The following TFAP2D variants were observed in gnomAD, a reference collection of about 807,000 sequenced individuals.
TFAP2D encodes transcription factor AP-2-delta.
A neutral mutation model predicts 43.6 loss-of-function variants in TFAP2D; 9 were observed. That is an observed-to-expected ratio of 0.21 (90% CI 0.12 to 0.36). The LOEUF is 0.36. TFAP2D is among the 10% of genes least tolerant of loss of function. TFAP2D has a pLI of 1.00. For synonymous variants in TFAP2D, 256 were observed against 224.9 expected (o/e 1.14, Z -1.24); for missense variants, 513 against 561.4 (o/e 0.91, Z 0.87).
intron 4 of TFAP2D, 45 bp from the exon 5 acceptor site, chr6:50,729,149 A>G: frequency 1.2e-6 from 2 of 1,608,028 alleles, no homozygotes; most frequent in South Asian, 2.2e-5. Flanking sequence ...AATTTTCATC[A>G]GAATGTGAAA....
chr6:50,715,191 G>A lies in TFAP2D; in HGVS notation c.115G>A (p.Ala39Thr). 6.8e-6 allele frequency: 11 copies of A among 1,613,700 alleles called. No homozygotes were observed. The highest frequency in any genetic ancestry group is 9.3e-6 in the Non-Finnish European group (11 of 1,179,976). The change falls in exon 2 of 8, where the codon GCC (alanine) becomes ACC (threonine). Residue 39 changes from alanine (A) to threonine (T), a missense_variant. By Grantham distance (58) the Ala-to-Thr change is moderately conservative. Transcript: ENST00000008391. ...CLESVANSTV[A>T]YSSSSPLTYS... Reference sequence around the variant, plus strand: ...GGAGTCAGTAGCCAATTCCACTGTCGCCTATTCCTCCTCCTCTCCTTTAAC... The same window carrying A: ...GGAGTCAGTAGCCAATTCCACTGTCACCTATTCCTCCTCCTCTCCTTTAAC...
chr6:50,770,774 T>C (rs1769515713), intron 7 of TFAP2D, among the ~76,000 whole-genome samples: 1 of 152,112 alleles, frequency 6.6e-6, no homozygotes, highest in Admixed American at 6.5e-5. Context: ...AGCTAAAATA[T>C]TATGAAGGGT....
intron 2 of TFAP2D, among the ~76,000 whole-genome samples, chr6:50,718,338 T>C (rs1480593898): frequency 6.6e-6 from 1 of 152,176 alleles, no homozygotes; most frequent in African/African-American, 2.4e-5. Flanking sequence ...CTTCACGGGC[T>C]GTTGGGTAGG....
rs748265736 is a variant in TFAP2D at position 50,772,873 on chromosome 6, A to G, written c.*9A>G. The G allele has an allele frequency of 3.1e-6, 5 of 1,605,092 alleles. No homozygotes were observed. The East Asian group carries it at 6.8e-5, about 22-fold the overall frequency. Reference sequence around the variant, plus strand: ...CAGAAAAGACAGACTAGCTACATCAAACAGAATCTATTTCCAGAGAGTCTT... The same window carrying G: ...CAGAAAAGACAGACTAGCTACATCAGACAGAATCTATTTCCAGAGAGTCTT... On this transcript the variant is annotated 3_prime_UTR_variant, in exon 8 of 8. Coordinates refer to ENST00000008391, the MANE Select transcript of TFAP2D (RefSeq NM_172238.4).
Position 50,713,889 on chromosome 6 carries a change from G to A in TFAP2D, c.-167G>A. The A allele has an allele frequency of 9.9e-7, 1 of 1,007,376 alleles. No homozygotes were observed. The highest frequency in any genetic ancestry group is 1.5e-6 in the Non-Finnish European group (1 of 679,398). The allele number at this position is 1,007,376 out of a possible 1,614,324, so 62.4% of individuals were successfully genotyped here. A position where few individuals can be genotyped will look rare whatever the true frequency, so the allele number is the denominator to read the frequency against. ...CTACAGGTTTTTAAGTGGGTACGAG[G>A]CAAGGAGCTATCTGATCCGGGCAAA... On this transcript the variant is annotated 5_prime_UTR_variant, in exon 1 of 8. Transcript: ENST00000008391.
At chr6:50,719,300 C>A in intron 3 of TFAP2D, 150 bp downstream of exon 3, 1 of 819,252 alleles carries the variant, frequency 1.2e-6, no homozygotes, top group Non-Finnish European at 1.9e-6. Context: ...ACTGGCATAT[C>A]CACATTAAAA....
In TFAP2D at chr6:50,729,318, A is replaced by T. The variant is rs925862102; in HGVS notation, c.883+6A>T. The T allele has an allele frequency of 3.1e-6, 5 of 1,610,798 alleles. No individual in the cohort carries two copies. The Admixed American group carries it at 8.4e-5, about 27-fold the overall frequency. ...CCTTACTTCCTTGGTTGAAGGTATG[A>T]CTTTTCAGTTTAGCAAAATAATGCT... is the stretch of plus-strand genomic sequence containing the variant. On this transcript the variant is annotated splice_donor_region_variant and intron_variant, in intron 5 of 7. Coordinates refer to ENST00000008391, the MANE Select transcript of TFAP2D (RefSeq NM_172238.4).
intron 7 of TFAP2D, among the ~76,000 whole-genome samples, chr6:50,767,069 A>G (rs1484285452): frequency 1.3e-5 from 2 of 152,192 alleles, no homozygotes; most frequent in Non-Finnish European, 2.9e-5. Context: ...TTCATTTATT[A>G]TAACAGTTTT....
At chr6:50,751,561 A>T (rs1170421441) in intron 7 of TFAP2D, among the ~76,000 whole-genome samples, 2 of 151,890 alleles carry the variant, frequency 1.3e-5, no homozygotes, top group Admixed American at 6.6e-5. Flanking sequence ...TTAATTAGAC[A>T]AAGGCTTGCT....
intron 5 of TFAP2D, among the ~76,000 whole-genome samples, chr6:50,741,007 ATT>A (rs1333178565): frequency 6.6e-6 from 1 of 152,002 alleles, no homozygotes; most frequent in Non-Finnish European, 1.5e-5. Flanking sequence ...CAACGAGCAA[ATT>A]TATCTTTTAC....
At chr6:50,759,184 T>G (rs1265600006) in intron 7 of TFAP2D, among the ~76,000 whole-genome samples, 2 of 152,074 alleles carry the variant, frequency 1.3e-5, no homozygotes, top group African/African-American at 2.4e-5. Context: ...AATTTTTATT[T>G]AAATATTGTC....
chr6:50,743,901 A>G (rs1416544252), intron 5 of TFAP2D, among the ~76,000 whole-genome samples: 1 of 152,174 alleles, frequency 6.6e-6, no homozygotes, highest in African/African-American at 2.4e-5. Context: ...TGTTGTTGCT[A>G]CTATTATTGT....
chr6:50,772,970 T>C lies in TFAP2D; in HGVS notation c.*106T>C. 8 of 924,060 alleles carry C rather than the reference T, an allele frequency of 8.7e-6. No individual in the cohort carries two copies. The South Asian group carries it at 8.9e-5, about 10-fold the overall frequency. The allele number at this position is 924,060 out of a possible 1,614,324, so 57.2% of individuals were successfully genotyped here. A position where few individuals can be genotyped will look rare whatever the true frequency, so the allele number is the denominator to read the frequency against. On this transcript the variant is annotated 3_prime_UTR_variant, in exon 8 of 8. Coordinates refer to ENST00000008391, the MANE Select transcript of TFAP2D (RefSeq NM_172238.4). ...CTTCAGTGGACCAAATCTCTACCCT[T>C]CCCCAACCCTCCATAAAAAAACAAA...
At chr6:50,751,641 G>A (rs760528150) in intron 7 of TFAP2D, among the ~76,000 whole-genome samples, 2 of 151,756 alleles carry the variant, frequency 1.3e-5, no homozygotes, top group Non-Finnish European at 2.9e-5. Context: ...GATCCCCTGG[G>A]CTCTTTTATA....
At chr6:50,759,820 T>C (rs1769337848) in intron 7 of TFAP2D, among the ~76,000 whole-genome samples, 1 of 152,006 alleles carries the variant, frequency 6.6e-6, no homozygotes, top group South Asian at 2.1e-4. Context: ...CAAGGACCCA[T>C]TCATTCCCCT....
intron 6 of TFAP2D, among the ~76,000 whole-genome samples, chr6:50,746,227 TTTTGTTTG>T (rs3830761): frequency 2.6e-5 from 4 of 151,058 alleles, no homozygotes; most frequent in African/African-American, 7.3e-5. Context: ...GGGAAAAGTA[TTTTGTTTG>T]TTTGTTTGTT....
At chr6:50,757,589 C>CTATATATATAGAATATATATA (rs1191252703) in intron 7 of TFAP2D, among the ~76,000 whole-genome samples, 3 of 61,138 alleles carry the variant, frequency 4.9e-5, no homozygotes, top group African/African-American at 1.9e-4. Context: ...TATAATTATT[C>CTATATATATAGAATATATATA]TATATATATA....
intron 3 of TFAP2D, among the ~76,000 whole-genome samples, chr6:50,723,574 G>C (rs770703639): frequency 6.6e-6 from 1 of 152,094 alleles, no homozygotes; most frequent in African/African-American, 2.4e-5. Context: ...CTCAAGCCTC[G>C]CCTGCCTCCT....
At chr6:50,725,807 C>A (rs1768800086) in intron 3 of TFAP2D, among the ~76,000 whole-genome samples, 1 of 152,162 alleles carries the variant, frequency 6.6e-6, no homozygotes, top group South Asian at 2.1e-4. Context: ...GAATAAATCA[C>A]CAAGAAGAAA....
Sources: gnomAD v4.1 joint callset for allele counts (sites outside exome capture counted in the v4.1 genomes callset) on GRCh38, gnomAD v4.1.1 for gene constraint, MANE v1.5 for transcripts, NCBI Gene and HGNC (gene_info 2026-07-23, HGNC 2026-07-21) for gene names.